Variants in PCDHA6 observed in about 807,000 individuals in gnomAD.
PCDHA6 encodes the protein protocadherin alpha-6.
In PCDHA6, 55 loss-of-function variants were observed where a neutral mutation model predicts 60.3. The ratio of observed to expected loss-of-function variants is 0.91; its 90% CI spans 0.73 to 1.14. The LOEUF (loss-of-function observed/expected upper bound fraction) is 1.14, where lower values mean the gene tolerates loss of function less well. PCDHA6 is among the 50% of genes most tolerant of loss of function. PCDHA6 has a pLI of 0.00. For missense variants in PCDHA6, 1,327 were observed against 1,256.5 expected, an observed-to-expected ratio of 1.06 and a Z score of -0.85; for synonymous variants, 652 against 557.9, an observed-to-expected ratio of 1.17 and a Z score of -2.38.
chr5:140,871,301 C>T lies in PCDHA6; in HGVS notation c.2394+40816C>T, dbSNP rs781904724. 1.9e-6 allele frequency: 3 copies of T among 1,613,800 alleles called. No individual in the cohort carries two copies. In the African/African-American group the frequency reaches 4.0e-5, roughly 22 times the overall value. ...ACGCCCACTGAGGGCGCGTGCGCGC[C>T]GGGGAAGCCCACGCTGGTGTGCTCC... is the stretch of plus-strand genomic sequence containing the variant. On this transcript the variant is annotated intron_variant, in intron 1 of 3. Coordinates refer to ENST00000529310, the MANE Select transcript of PCDHA6 (RefSeq NM_018909.4).
intron 1 of PCDHA6, among the ~76,000 whole-genome samples, chr5:140,935,203 A>T (rs1403808889): frequency 6.6e-6 from 1 of 152,160 alleles, no homozygotes; most frequent in African/African-American, 2.4e-5. Flanking sequence ...GTTTCTAGGT[A>T]TCTTCAGCTA....
intron 1 of PCDHA6, among the ~76,000 whole-genome samples, chr5:140,904,121 T>G (rs1554191284): frequency 6.6e-6 from 1 of 152,194 alleles, no homozygotes; most frequent in Non-Finnish European, 1.5e-5. Flanking sequence ...GAGATTTTGG[T>G]GCACCCATCA....
At chr5:140,853,548 C>T in intron 1 of PCDHA6, 1 of 978,800 alleles carries the variant, frequency 1.0e-6, no homozygotes. Flanking sequence ...GTTGTAATTA[C>T]TATATAGGAA....
intron 1 of PCDHA6, chr5:140,927,414 A>T: frequency 6.2e-7 from 1 of 1,614,114 alleles, no homozygotes; most frequent in South Asian, 1.1e-5. Context: ...TGGACATGGG[A>T]TCGCGGGTTG....
intron 1 of PCDHA6, chr5:140,857,971 G>A: frequency 6.3e-7 from 1 of 1,596,806 alleles, no homozygotes; most frequent in Non-Finnish European, 8.6e-7. Flanking sequence ...AGACTGACTC[G>A]CCACGCCAGC....
chr5:140,978,642 C>T (rs140934683), intron 1 of PCDHA6, among the ~76,000 whole-genome samples: 126 of 152,354 alleles, frequency 8.3e-4, no homozygotes, highest in African/African-American at 2.8e-3. Context: ...TCAAAGCAGA[C>T]TGTTCTTCCC....
chr5:140,837,972 C>T (rs929090739), intron 1 of PCDHA6, among the ~76,000 whole-genome samples: 2 of 151,768 alleles, frequency 1.3e-5, no homozygotes, highest in African/African-American at 2.4e-5. Context: ...AACAACCACA[C>T]CCAGCCTGCC....
intron 3 of PCDHA6, among the ~76,000 whole-genome samples, chr5:140,987,826 G>T (rs1481540038): frequency 6.6e-6 from 1 of 152,014 alleles, no homozygotes; most frequent in Non-Finnish European, 1.5e-5. Flanking sequence ...TTTCCTTAGG[G>T]GATTGCTTTT....
chr5:140,988,021 T>C (rs2097278466), intron 3 of PCDHA6, among the ~76,000 whole-genome samples: 1 of 152,216 alleles, frequency 6.6e-6, no homozygotes. Context: ...AGCATGATTC[T>C]TAAGTTTTTT....
intron 1 of PCDHA6, chr5:140,860,966 T>A (rs2046677867): frequency 6.6e-6 from 1 of 152,238 alleles, no homozygotes; most frequent in African/African-American, 2.4e-5. Context: ...CTAGATCTCC[T>A]GACCTCGTGA....
rs2150248542 is a variant in PCDHA6 at position 140,835,937 on chromosome 5, C to T, written c.2394+5452C>T. ...TGCACGCGGAGAGCGGCAAGGTGTA[C>T]GCGCTGCAGCCGTTGGACCACGAGG... On this transcript the variant is annotated intron_variant, in intron 1 of 3. Transcript: ENST00000529310. 14 of 1,612,512 alleles carry T rather than the reference C, an allele frequency of 8.7e-6. No homozygotes were observed. The South Asian group carries it at 1.3e-4, about 15-fold the overall frequency.
chr5:140,928,605 C>T, intron 1 of PCDHA6: 1 of 1,614,208 alleles, frequency 6.2e-7, no homozygotes, highest in South Asian at 1.1e-5. Flanking sequence ...AAATTGTGCC[C>T]CGCTCTGCCA....
At chr5:140,979,973 A>G (rs782560392) in intron 2 of PCDHA6, among the ~76,000 whole-genome samples, 9 of 152,230 alleles carry the variant, frequency 5.9e-5, no homozygotes, top group Non-Finnish European at 1.0e-4. Context: ...ATTAAAATGC[A>G]TTAGATTGAA....
intron 1 of PCDHA6, among the ~76,000 whole-genome samples, chr5:140,916,255 C>G (rs1161014900): frequency 6.6e-6 from 1 of 152,144 alleles, no homozygotes. Context: ...ACTTGGGGAC[C>G]CCAAGAGCAT....
chr5:140,994,954 T>C (rs2097657181), intron 3 of PCDHA6, among the ~76,000 whole-genome samples: 1 of 152,230 alleles, frequency 6.6e-6, no homozygotes, highest in Non-Finnish European at 1.5e-5. Flanking sequence ...AAATAATTTG[T>C]AGTTTCATTT....
intron 1 of PCDHA6, among the ~76,000 whole-genome samples, chr5:140,872,655 G>A (rs1474105243): frequency 6.6e-6 from 1 of 152,046 alleles, no homozygotes; most frequent in African/African-American, 2.4e-5. Context: ...CAAGAGATTT[G>A]TCAACTATTG....
chr5:140,851,436 G>C, intron 1 of PCDHA6: 2 of 931,614 alleles, frequency 2.1e-6, no homozygotes, highest in East Asian at 2.3e-4. Context: ...TTAGAAAACA[G>C]TTGCTCCACT....
intron 1 of PCDHA6, among the ~76,000 whole-genome samples, chr5:140,971,300 A>T (rs555201828): frequency 2.0e-5 from 3 of 152,380 alleles, no homozygotes; most frequent in African/African-American, 7.2e-5. Flanking sequence ...ACTTTGGTAC[A>T]CAAACATTTA....
intron 1 of PCDHA6, among the ~76,000 whole-genome samples, chr5:140,925,376 A>G (rs1010003214): frequency 2.0e-5 from 3 of 152,150 alleles, no homozygotes; most frequent in Non-Finnish European, 2.9e-5. Context: ...TCAATAGTCA[A>G]TGAGTCTCCT....
Sources: gnomAD v4.1 joint callset for allele counts (sites outside exome capture counted in the v4.1 genomes callset) on GRCh38, gnomAD v4.1.1 for gene constraint, MANE v1.5 for transcripts, NCBI Gene and HGNC (gene_info 2026-07-23, HGNC 2026-07-21) for gene names.